The following XKR6 variants were observed in gnomAD, a reference collection of about 807,000 sequenced individuals.
The protein encoded by XKR6 is XK related 6.
In XKR6, 22 loss-of-function variants were observed where a neutral mutation model predicts 56.7. That is an observed-to-expected ratio of 0.39 (90% CI 0.28 to 0.55). The LOEUF is 0.55. Ranked by LOEUF, XKR6 falls within the 20% of genes least tolerant of loss-of-function variation. The probability of loss-of-function intolerance (pLI) is 0.66; values close to 1 mark genes in which losing one functional copy is unlikely to be tolerated. For synonymous variants in XKR6, 524 were observed against 387.8 expected, an observed-to-expected ratio of 1.35 and a Z score of -4.13; for missense variants, 852 against 889.0, an observed-to-expected ratio of 0.96 and a Z score of 0.53.
At chr8:11,028,735 T>C (rs1466833433) in intron 1 of XKR6, among the ~76,000 whole-genome samples, 1 of 152,156 alleles carries the variant, frequency 6.6e-6, no homozygotes, top group African/African-American at 2.4e-5. Flanking sequence ...AAGCACTTAA[T>C]ATGAGCTGGG....
chr8:11,195,266 A>C, intron 1 of XKR6: 2 of 683,286 alleles, frequency 2.9e-6, no homozygotes, highest in South Asian at 1.6e-5. Flanking sequence ...TTTACAGTTT[A>C]ACATTTTATG....
chr8:10,906,600 C>T (rs955067730), intron 2 of XKR6, among the ~76,000 whole-genome samples: 2 of 152,208 alleles, frequency 1.3e-5, no homozygotes, highest in Non-Finnish European at 2.9e-5. Context: ...TAACAGGTTG[C>T]TTTGTGCACA....
rs559196685 is a variant in XKR6 at position 11,127,791 on chromosome 8, G to A, written c.764+72785C>T. Among the ~76,000 whole-genome samples, 58 of 152,286 alleles carry A rather than the reference G, an allele frequency of 3.8e-4. 1 individual carries two copies. The highest frequency in any genetic ancestry group is 7.2e-4 in the Non-Finnish European group (49 of 68,024). On this transcript the variant is annotated intron_variant, in intron 1 of 2. Coordinates refer to ENST00000416569, the MANE Select transcript of XKR6 (RefSeq NM_173683.4). ...TACATATTTATAGGTCTGGGGATTGGAATATGGACACTGCGGGGGGCGCCA... is the reference window on the plus strand; with the variant it reads ...TACATATTTATAGGTCTGGGGATTGAAATATGGACACTGCGGGGGGCGCCA...
rs770788463 is a variant in XKR6, at chr8:11,200,978, T to TGCGGCGGCG, written c.353_361dup (p.Pro118_Pro120dup). ...GCAGTCGAGCCACGGCCGCTCCACC[T>TGCGGCGGCG]GCGGCGGCGGCGGCTCCGGCCGCGC... On this transcript the variant is annotated inframe_insertion, in exon 1 of 3. Coordinates refer to ENST00000416569, the MANE Select transcript of XKR6 (RefSeq NM_173683.4). This position sits in a 1 kb window ranked among gnomAD's most constrained non-coding sequence, Gnocchi z 6.4. The TGCGGCGGCG allele has an allele frequency of 3.4e-6, 5 of 1,490,596 alleles. No homozygotes were observed. The highest frequency in any genetic ancestry group is 4.5e-6 in the Non-Finnish European group (5 of 1,120,498). The allele number at this position is 1,490,596 out of a possible 1,614,324, so 92.3% of individuals were successfully genotyped here. A position where few individuals can be genotyped will look rare whatever the true frequency, so the allele number is the denominator to read the frequency against.
In XKR6 at chr8:10,944,667, C is replaced by A. The variant is rs187591645; in HGVS notation, c.765-19837G>T. 1.8e-3 allele frequency among the ~76,000 whole-genome samples: 270 copies of A among 152,296 alleles called. 1 individual carries two copies. The highest frequency in any genetic ancestry group is 2.2e-3 in the Non-Finnish European group (147 of 68,028). On this transcript the variant is annotated intron_variant, in intron 1 of 2. Coordinates refer to ENST00000416569, the MANE Select transcript of XKR6 (RefSeq NM_173683.4). ...CTGAGTATGAGAACAGACTCTAGAACCTTCCACAGCCTGGCTGGCTCCGAG... is the reference window on the plus strand; with the variant it reads ...CTGAGTATGAGAACAGACTCTAGAAACTTCCACAGCCTGGCTGGCTCCGAG...
chr8:11,043,731 C>G (rs1393298102), intron 1 of XKR6, among the ~76,000 whole-genome samples: 3 of 152,258 alleles, frequency 2.0e-5, no homozygotes, highest in African/African-American at 7.2e-5. Context: ...AAACTAAGTT[C>G]CCGCCCATGA....
At chr8:10,924,088 T>G (rs906398141) in intron 2 of XKR6, among the ~76,000 whole-genome samples, 38 of 152,204 alleles carry the variant, frequency 2.5e-4, no homozygotes, top group African/African-American at 9.2e-4. Context: ...GTGTTGTTGC[T>G]TCCAGCCCCT....
intron 1 of XKR6, among the ~76,000 whole-genome samples, chr8:11,050,029 A>T (rs528596850): frequency 2.0e-5 from 3 of 152,144 alleles, no homozygotes; most frequent in Admixed American, 2.0e-4. Context: ...TTCCACTAGG[A>T]GCTGCTCCCT....
chr8:11,186,306 T>C (rs1454424325), intron 1 of XKR6, among the ~76,000 whole-genome samples: 1 of 152,212 alleles, frequency 6.6e-6, no homozygotes, highest in East Asian at 1.9e-4. Flanking sequence ...CAGCCACCCT[T>C]GATCTAGGTA....
intron 1 of XKR6, among the ~76,000 whole-genome samples, chr8:11,004,172 ATGTTAAAAAGCTCCTGTG>A (rs1235104876): frequency 6.3e-4 from 95 of 150,108 alleles, no homozygotes; most frequent in African/African-American, 2.3e-3. Flanking sequence ...GCTCAAGTCT[ATGTTAAAAAGCTCCTGTG>A]GGGCCGGGCG....
intron 1 of XKR6, among the ~76,000 whole-genome samples, chr8:11,054,966 C>G (rs963503554): frequency 6.6e-6 from 1 of 152,154 alleles, no homozygotes; most frequent in African/African-American, 2.4e-5. Context: ...CCTGTCTTCT[C>G]TGCAGGAGGG....
chr8:11,188,532 A>G (rs1456931001), intron 1 of XKR6, among the ~76,000 whole-genome samples: 1 of 152,204 alleles, frequency 6.6e-6, no homozygotes, highest in Non-Finnish European at 1.5e-5. Context: ...AGGCCCAACC[A>G]AAACCACTTG....
intron 1 of XKR6, among the ~76,000 whole-genome samples, chr8:11,118,584 G>C (rs889008051): frequency 9.2e-5 from 14 of 152,314 alleles, no homozygotes; most frequent in African/African-American, 3.4e-4. Flanking sequence ...AGACTTTCTA[G>C]TTTATTTGTG....
chr8:10,939,266 A>G (rs1036204063), intron 1 of XKR6, among the ~76,000 whole-genome samples: 1 of 152,178 alleles, frequency 6.6e-6, no homozygotes, highest in African/African-American at 2.4e-5. Context: ...GGCAGAGAAG[A>G]ATCCAGGCCC....
At chr8:11,042,483 T>C (rs1315410413) in intron 1 of XKR6, among the ~76,000 whole-genome samples, 1 of 152,202 alleles carries the variant, frequency 6.6e-6, no homozygotes, top group Non-Finnish European at 1.5e-5. Context: ...CATACTCTGT[T>C]GTCTGCCACC....
chr8:11,194,559 A>C (rs1408843713), intron 1 of XKR6: 1 of 152,250 alleles, frequency 6.6e-6, no homozygotes, highest in Non-Finnish European at 1.5e-5. Context: ...TGGGGAGTAA[A>C]CTAAAATTTT....
chr8:10,948,198 A>G (rs1252318960), intron 1 of XKR6, among the ~76,000 whole-genome samples: 2 of 152,116 alleles, frequency 1.3e-5, no homozygotes, highest in Non-Finnish European at 2.9e-5. Flanking sequence ...GGCTTCAGAG[A>G]GGTTTGGAAG....
At chr8:11,156,392 C>T (rs1011051464) in intron 1 of XKR6, among the ~76,000 whole-genome samples, 19 of 152,334 alleles carry the variant, frequency 1.2e-4, no homozygotes, top group African/African-American at 4.3e-4. Flanking sequence ...GCAACACATC[C>T]TATTCTATCT....
chr8:10,980,779 C>T (rs1006909432), intron 1 of XKR6, among the ~76,000 whole-genome samples: 35 of 152,200 alleles, frequency 2.3e-4, no homozygotes, highest in African/African-American at 7.9e-4. Flanking sequence ...CTATATACCA[C>T]GGATTATGAC....
Sources: allele counts gnomAD v4.1 joint callset (sites outside exome capture counted in the v4.1 genomes callset), GRCh38; gene constraint gnomAD v4.1.1; non-coding constraint Gnocchi (gnomAD v3.1); transcripts MANE v1.5; gene names NCBI Gene and HGNC (gene_info 2026-07-23, HGNC 2026-07-21).